Variants in WDR24 observed in about 807,000 individuals in gnomAD.
WDR24 encodes the protein GATOR2 complex protein WDR24.
A neutral mutation model predicts 66.7 loss-of-function variants in WDR24; 32 were observed. The ratio of observed to expected loss-of-function variants is 0.48; its 90% CI spans 0.36 to 0.64. The LOEUF (loss-of-function observed/expected upper bound fraction) is 0.64, where lower values mean the gene tolerates loss of function less well. Ranked by LOEUF, WDR24 falls within the 30% of genes least tolerant of loss-of-function variation. The probability of loss-of-function intolerance (pLI) is 0.00; values close to 1 mark genes in which losing one functional copy is unlikely to be tolerated. For synonymous variants in WDR24, 565 were observed against 469.1 expected, an observed-to-expected ratio of 1.20 and a Z score of -2.64; for missense variants, 978 against 1,144.1, an observed-to-expected ratio of 0.85 and a Z score of 2.09.
intron 1 of WDR24, chr16:688,202 G>C (rs2039931704): frequency 2.5e-6 from 1 of 403,530 alleles, no homozygotes; most frequent in Non-Finnish European, 5.0e-6. Context: ...ATGACTCAGG[G>C]CCCAGGTCCA....
intron 3 of WDR24, among the ~76,000 whole-genome samples, chr16:686,509 T>A (rs1184868860): frequency 6.6e-6 from 1 of 151,788 alleles, no homozygotes; most frequent in African/African-American, 2.4e-5. Context: ...ACAGAGAGCT[T>A]GAGCCACACG....
chr16:686,634 T>A (rs1293292700), intron 3 of WDR24, 110 bp downstream of exon 3: 18 of 1,346,116 alleles, frequency 1.3e-5, no homozygotes, highest in Non-Finnish European at 1.8e-5. Context: ...TTGGTGCGAC[T>A]GGCTGGAGTC....
chr16:686,665 G>A, intron 3 of WDR24, 79 bp downstream of exon 3: 1 of 1,482,940 alleles, frequency 6.7e-7, no homozygotes, highest in African/African-American at 1.4e-5. Flanking sequence ...CTTGAGGTGG[G>A]GTGAGCGCAG....
At position 685,115 on chromosome 16, in the gene WDR24, T is replaced by C. The variant is rs374885525; in HGVS notation, c.2081A>G (p.Asn694Ser). 1 of 1,558,426 alleles carries C rather than the reference T, an allele frequency of 6.4e-7. No homozygotes were observed. Among genetic ancestry groups the C allele is most frequent in the Non-Finnish European group, 8.7e-7 (1 of 1,151,892 alleles). The change falls in exon 8 of 9, where the codon AAC becomes AGC. Residue 694 changes from asparagine to serine, a missense_variant. Transcript: ENST00000293883. ...GCTGGTGCTCAGCTTGACCACCTCG[T>C]TGGACACGTTCCAGAGGCGGAAGCG... ...LQRFRLWNVSNEVVKLSTSRA... is the reference protein window; with the variant it reads ...LQRFRLWNVSSEVVKLSTSRA...
Position 685,664 on chromosome 16 carries a change from C to T in WDR24, c.1678+15G>A. The T allele has an allele frequency of 6.2e-7, 1 of 1,612,658 alleles. No homozygotes were observed. The highest frequency in any genetic ancestry group is 8.5e-7 in the Non-Finnish European group (1 of 1,179,984). ...ATCCGCCTCTGAACCCCACCCTGCCCGGACCCCCACTCACGGTGCGCGTGT... is the reference window on the plus strand; with the variant it reads ...ATCCGCCTCTGAACCCCACCCTGCCTGGACCCCCACTCACGGTGCGCGTGT... On this transcript the variant is annotated intron_variant, in intron 6 of 8. Transcript: ENST00000293883.
chr16:687,699 C>T lies in WDR24; in HGVS notation c.522G>A (p.Arg174=). 6.2e-7 allele frequency: 1 copy of T among 1,613,586 alleles called. No individual in the cohort carries two copies. The highest frequency in any genetic ancestry group is 8.5e-7 in the Non-Finnish European group (1 of 1,179,992). ...ESVRDVQFSI[R]DYFTFASTFE... ...AGGTGGAGGCGAAGGTGAAGTAGTC[C>T]CGGATACTGAACTGCACGTCCCGCA... Residue 174 remains arginine (R), a synonymous_variant, in exon 2 of 9, where the codon CGG becomes CGA. Transcript: ENST00000293883.
chr16:686,407 C>G (rs914551652), intron 3 of WDR24, among the ~76,000 whole-genome samples: 1 of 152,204 alleles, frequency 6.6e-6, no homozygotes, highest in African/African-American at 2.4e-5. Context: ...GCAGTGGGGA[C>G]TTGCGGGGCA....
chr16:684,975 C>T lies in WDR24; in HGVS notation c.2204+17G>A. On this transcript the variant is annotated intron_variant, in intron 8 of 8. Coordinates refer to ENST00000293883, the MANE Select transcript of WDR24 (RefSeq NM_032259.4). Reference sequence around the variant, plus strand: ...GCCTGCAGGCCCCTGCCCCACCTCCCGACCCCACTGCCCCACCTGTCGCAG... The same window carrying T: ...GCCTGCAGGCCCCTGCCCCACCTCCTGACCCCACTGCCCCACCTGTCGCAG... 1.3e-6 allele frequency: 2 copies of T among 1,540,118 alleles called. No individual in the cohort carries two copies. Among genetic ancestry groups the T allele is most frequent in the South Asian group, 1.2e-5 (1 of 84,034 alleles).
rs1358003002 is a variant in WDR24, at chr16:685,039, G to A, written c.2157C>T (p.Cys719=). 1 of 1,557,728 alleles carries A rather than the reference G, an allele frequency of 6.4e-7. No homozygotes were observed. Among genetic ancestry groups the A allele is most frequent in the Non-Finnish European group, 8.7e-7 (1 of 1,152,684 alleles). ...TGCTCATGGGCCGCTTGCAGTGGCT[G>A]CAGTTGACGTGCAGGGTGGTGGAGG... ...NQASTTLHVN[C]SHCKRPMSSR... The change falls in exon 8 of 9, where the codon TGC becomes TGT. Residue 719 remains cysteine, a synonymous_variant. Coordinates refer to ENST00000293883, the MANE Select transcript of WDR24 (RefSeq NM_032259.4).
rs17850290 is a variant in WDR24, at chr16:687,269, C to T, written c.807G>A (p.Thr269=). The T allele has an allele frequency of 0.15, 244,998 of 1,611,958 alleles. 20,774 individuals carry two copies. Among genetic ancestry groups the T allele is most frequent in the South Asian group, 0.22 (19,875 of 91,082 alleles). The change falls in exon 3 of 9, where the codon ACG becomes ACA. Residue 269 remains threonine, a synonymous_variant. Transcript: ENST00000293883. The stretch of plus-strand genomic sequence containing the variant: ...TGTTGTGGTCCACCATCATGGAGCA[C>T]GTGGCCAGGTGGTGGCGGCACTCTG... ...WRPECRHHLA[T]CSMMVDHNIY...
In WDR24 at chr16:685,152, C is replaced by A; in HGVS notation, c.2044G>T (p.Asp682Tyr). ...CAGAGGCGGAAGCGCTGCAGCAGGT[C>A]GATGTAGGAAGTGTACCAGTGCTCC... ...TQEHWYTSYI[D>Y]LLQRFRLWNV... The change falls in exon 8 of 9, where the codon GAC becomes TAC. Residue 682 changes from aspartate (D) to tyrosine (Y), a missense_variant. By Grantham distance (160) the Asp-to-Tyr change is radical. This residue lies in a region of WDR24 where 676 missense variants were observed against 617.5 expected (regional missense o/e 1.09). Coordinates refer to ENST00000293883, the MANE Select transcript of WDR24 (RefSeq NM_032259.4). 1 of 1,573,772 alleles carries A rather than the reference C, an allele frequency of 6.4e-7. No homozygotes were observed. Among genetic ancestry groups the A allele is most frequent in the Non-Finnish European group, 8.6e-7 (1 of 1,160,872 alleles).
intron 1 of WDR24, chr16:688,893 G>A (rs1051599405): frequency 8.0e-6 from 4 of 500,864 alleles, no homozygotes; most frequent in South Asian, 2.3e-5. Context: ...CTGGGAGACC[G>A]CTGGGGCTCT....
In WDR24 at chr16:686,942, G is replaced by A. The variant is rs774170416; in HGVS notation, c.1134C>T (p.Phe378=). The change falls in exon 3 of 9, where the codon TTC becomes TTT. Residue 378 remains phenylalanine, a synonymous_variant. Transcript: ENST00000293883. ...PYTGDRRHPI[F]FKRKLDPAEP... The stretch of plus-strand genomic sequence containing the variant: ...CGGCAGGGTCCAGCTTGCGCTTAAA[G>A]AAGATGGGGTGGCGCCGGTCGCCAG... 8.1e-6 allele frequency: 13 copies of A among 1,603,350 alleles called. No homozygotes were observed. Among genetic ancestry groups the A allele is most frequent in the South Asian group, 1.1e-5 (1 of 90,450 alleles).
In WDR24 at chr16:689,315, C is replaced by T. The variant is rs943229990; in HGVS notation, c.326G>A (p.Arg109His). 8 of 1,613,672 alleles carry T rather than the reference C, an allele frequency of 5.0e-6. No individual in the cohort carries two copies. The highest frequency in any genetic ancestry group is 1.3e-5 in the African/African-American group (1 of 74,928). The part of the protein sequence containing the change: ...VVTWNLGRPS[R>H]NKQDQLFTEH... ...TGTGAACAGCTGGTCCTGCTTGTTGCGGGATGGCCGGCCCAGGTTCCACGT... is the reference window on the plus strand; with the variant it reads ...TGTGAACAGCTGGTCCTGCTTGTTGTGGGATGGCCGGCCCAGGTTCCACGT... The change falls in exon 1 of 9, where the codon CGC becomes CAC. Residue 109 changes from arginine (R) to histidine (H), a missense_variant. Around this residue, in one of 2 missense-constraint regions of WDR24, gnomAD observed 302 missense variants for 526.6 expected, o/e 0.57. Coordinates refer to ENST00000293883, the MANE Select transcript of WDR24 (RefSeq NM_032259.4).
chr16:686,630 C>G lies in WDR24; in HGVS notation c.1332+114G>C, dbSNP rs745486199. ...GCTACCAAGGCAAGGCCTGTTGGTG[C>G]GACTGGCTGGAGTCCATTGCGGAGC... is the stretch of plus-strand genomic sequence containing the variant. On this transcript the variant is annotated intron_variant, in intron 3 of 8. Coordinates refer to ENST00000293883, the MANE Select transcript of WDR24 (RefSeq NM_032259.4). 1.1e-5 allele frequency: 14 copies of G among 1,320,372 alleles called. No individual in the cohort carries two copies. The South Asian group carries it at 1.7e-4, about 16-fold the overall frequency. The allele number at this position is 1,320,372 out of a possible 1,614,324, so 81.8% of individuals were successfully genotyped here. A position where few individuals can be genotyped will look rare whatever the true frequency, so the allele number is the denominator to read the frequency against.
At position 684,711 on chromosome 16, in the gene WDR24, G is replaced by A. The variant is rs753360268; in HGVS notation, c.*23C>T. 1.0e-5 allele frequency: 16 copies of A among 1,563,494 alleles called. No homozygotes were observed. In the East Asian group the frequency reaches 1.2e-4, roughly 11 times the overall value. On this transcript the variant is annotated 3_prime_UTR_variant, in exon 9 of 9. Coordinates refer to ENST00000293883, the MANE Select transcript of WDR24 (RefSeq NM_032259.4). ...GGCGGGGTTCTGCACGCGGCCGCCC[G>A]GGCAAGCCCAGCAGATGCCCCGTCA...
rs780163101 is a variant in WDR24, at chr16:689,444, C to A, written c.197G>T (p.Arg66Leu). The A allele has an allele frequency of 6.2e-7, 1 of 1,613,558 alleles. No homozygotes were observed. The change falls in exon 1 of 9, where the codon CGT (arginine) becomes CTT (leucine). Residue 66 changes from arginine to leucine, a missense_variant. Coordinates refer to ENST00000293883, the MANE Select transcript of WDR24 (RefSeq NM_032259.4). ...GTTAAGCGAAGGCTTGCGCCCCACACGCAGGTTCAGCTTTTCCACGAACTG... is the reference window on the plus strand; with the variant it reads ...GTTAAGCGAAGGCTTGCGCCCCACAAGCAGGTTCAGCTTTTCCACGAACTG... ...EEQFVEKLNL[R>L]VGRKPSLNLS...
In WDR24 at chr16:685,962, AC is replaced by A; in HGVS notation, c.1479del (p.Leu494TrpfsTer104). 1 of 1,612,986 alleles carries A rather than the reference AC, an allele frequency of 6.2e-7. No individual in the cohort carries two copies. The highest frequency in any genetic ancestry group is 1.3e-5 in the African/African-American group (1 of 74,992). Reference protein sequence around the residue: ...NSFNLKDMAPGLGSETRLDRS... With the variant: ...NSFNLKDMAPXLGSETRLDRS... ...CGGTCCAGCCGCGTCTCACTGCCCA[AC>A]CCTGGGGCCATATCCTTCAGGTTGA... On this transcript the variant is annotated frameshift_variant, in exon 5 of 9. Transcript: ENST00000293883. LOFTEE classifies it high-confidence loss of function.
Position 685,448 on chromosome 16 carries a change from C to T in WDR24, c.1828G>A (p.Val610Met). 3 of 1,607,864 alleles carry T rather than the reference C, an allele frequency of 1.9e-6. 1 individual carries two copies. The highest frequency in any genetic ancestry group is 4.5e-5 in the East Asian group (2 of 44,696). Residue 610 changes from valine (V) to methionine (M), a missense_variant, in exon 7 of 9, where the codon GTG (valine) becomes ATG (methionine). Val to Met is a conservative substitution (Grantham distance 21). Transcript: ENST00000293883. ...SEADVASLAP[V>M]DSSFSLLSVS... ...GACAGGAGCGAGAAGGAGGAGTCCA[C>T]GGGGGCCAGGGAGGCCACATCCGCC...
Sources: gnomAD v4.1 joint callset for allele counts (sites outside exome capture counted in the v4.1 genomes callset) on GRCh38, gnomAD v4.1.1 for gene constraint, gnomAD v4.1.1 regional missense constraint, MANE v1.5 for transcripts, NCBI Gene and HGNC (gene_info 2026-07-23, HGNC 2026-07-21) for gene names.